Variants in ADRA1D observed in about 807,000 individuals in gnomAD.
The protein encoded by ADRA1D is alpha-1D adrenergic receptor.
ADRA1D carries 22 observed loss-of-function variants against 18.6 expected under a neutral mutation model. The observed-to-expected ratio is 1.19, with a 90% CI of 0.85 to 1.69. ADRA1D has a LOEUF of 1.69. Ranked by LOEUF, ADRA1D falls within the 40% of genes most tolerant of loss-of-function variation. ADRA1D has a pLI of 0.00. For missense variants in ADRA1D, 840 were observed against 840.7 expected (o/e 1.00, Z 0.01); for synonymous variants, 376 against 388.2 (o/e 0.97, Z 0.37).
At chr20:4,243,685 C>T (rs2122676812) in intron 1 of ADRA1D, among the ~76,000 whole-genome samples, 1 of 152,232 alleles carries the variant, frequency 6.6e-6, no homozygotes, top group South Asian at 2.1e-4. Flanking sequence ...CCTCCCCTCT[C>T]TCTCGGTGAG....
intron 1 of ADRA1D, among the ~76,000 whole-genome samples, chr20:4,231,676 C>T (rs941091383): frequency 1.1e-4 from 16 of 152,230 alleles, no homozygotes; most frequent in South Asian, 2.1e-4. Flanking sequence ...CATGGCATCC[C>T]GCTTTGCAGA....
chr20:4,234,838 G>C, intron 1 of ADRA1D, among the ~76,000 whole-genome samples: 1 of 152,250 alleles, frequency 6.6e-6, no homozygotes, highest in Non-Finnish European at 1.5e-5. Flanking sequence ...CAGGCAGAGG[G>C]AAGAGCATGT....
intron 1 of ADRA1D, among the ~76,000 whole-genome samples, chr20:4,227,680 T>TCTC (rs1568763312): frequency 1.5e-3 from 143 of 94,686 alleles, no homozygotes; most frequent in African/African-American, 5.7e-3. Flanking sequence ...CCTTCCTTCC[T>TCTC]TCCCTCTCTC....
chr20:4,220,661 G>A lies in ADRA1D; in HGVS notation c.*862C>T, dbSNP rs1307115088. On this transcript the variant is annotated 3_prime_UTR_variant, in exon 2 of 2. Transcript: ENST00000379453. ...TGTAGACCCAATCTATTCTGTTGCG[G>A]GCCTTTAGTTCTTGACAGACTTTAG... is the stretch of plus-strand genomic sequence containing the variant. 1 of 152,530 alleles carries A rather than the reference G, an allele frequency of 6.6e-6. No individual in the cohort carries two copies. Among genetic ancestry groups the A allele is most frequent in the East Asian group, 1.9e-4 (1 of 5,198 alleles). 9.4% of individuals were successfully genotyped at this position (152,530 alleles called of 1,614,324 possible).
rs1600843628 is a variant in ADRA1D, at chr20:4,221,819, GGGGTTCGGGGTC to G, written c.1411_1422del (p.Asp471_Pro474del). ...GGAGCCTGCATCTCGGGCGTGCCTGGGGGTTCGGGGTCGGGGTCGGGGAGCGCGGTGAGGGCC... is the reference window on the plus strand; with the variant it reads ...GGAGCCTGCATCTCGGGCGTGCCTGGGGGGTCGGGGAGCGCGGTGAGGGCC... On this transcript the variant is annotated inframe_deletion, in exon 2 of 2. Coordinates refer to ENST00000379453, the MANE Select transcript of ADRA1D (RefSeq NM_000678.4). The G allele has an allele frequency of 2.0e-6, 3 of 1,532,862 alleles. No individual in the cohort carries two copies. Among genetic ancestry groups the G allele is most frequent in the African/African-American group, 1.4e-5 (1 of 72,038 alleles). The allele number at this position is 1,532,862 out of a possible 1,614,324, so 95.0% of individuals were successfully genotyped here.
At chr20:4,225,071 G>A (rs1322078489) in intron 1 of ADRA1D, among the ~76,000 whole-genome samples, 2 of 147,760 alleles carry the variant, frequency 1.4e-5, no homozygotes, top group East Asian at 4.1e-4. Context: ...GTGCGATCTC[G>A]GCTCACTGCA....
At position 4,248,967 on chromosome 20, in the gene ADRA1D, C is replaced by T; in HGVS notation, c.-10G>A. 7.4e-7 allele frequency: 1 copy of T among 1,348,384 alleles called. No homozygotes were observed. Among genetic ancestry groups the T allele is most frequent in the Non-Finnish European group, 9.6e-7 (1 of 1,038,856 alleles). The allele number at this position is 1,348,384 out of a possible 1,614,324, so 83.5% of individuals were successfully genotyped here. On this transcript the variant is annotated 5_prime_UTR_variant, in exon 1 of 2. Coordinates refer to ENST00000379453, the MANE Select transcript of ADRA1D (RefSeq NM_000678.4). ...GATCGCGGAAAGTCATCTCAACGCG[C>T]GGCCGTCGGTGGCCGGGCCGGGGCA...
rs755816635 is a variant in ADRA1D, at chr20:4,248,253, C to T, written c.705G>A (p.Trp235Ter). ...LVVSVGPLLG[W>*]KEPVPPDERF... ...GCTCGTCAGGGGGCACGGGCTCCTT[C>T]CAGCCCAGCAGGGGCCCTACGGACA... Residue 235 changes from tryptophan (W) to a stop codon, truncating the protein, a stop_gained, in exon 1 of 2, where the codon TGG (tryptophan) becomes TGA (stop). Transcript: ENST00000379453. LOFTEE classifies it high-confidence loss of function. The T allele has an allele frequency of 1.9e-5, 30 of 1,607,562 alleles. No individual in the cohort carries two copies. Among genetic ancestry groups the T allele is most frequent in the Non-Finnish European group, 2.5e-5 (29 of 1,177,506 alleles).
At chr20:4,234,759 A>G (rs1370815320) in intron 1 of ADRA1D, among the ~76,000 whole-genome samples, 3 of 152,162 alleles carry the variant, frequency 2.0e-5, no homozygotes, top group Non-Finnish European at 4.4e-5. Context: ...CTAATACAGT[A>G]CACTTGAGCC....
In ADRA1D at chr20:4,221,658, G is replaced by T. The variant is rs1414929575; in HGVS notation, c.1584C>A (p.Arg528=). ...AGCGCTGGGCGCACGCTGCCTCTGCGCGCTGCGCGCCCCCGGCGCGGATCT... is the reference window on the plus strand; with the variant it reads ...AGCGCTGGGCGCACGCTGCCTCTGCTCGCTGCGCGCCCCCGGCGCGGATCT... ...SHKIRAGGAQ[R]AEAACAQRSE... The change falls in exon 2 of 2, where the codon CGC becomes CGA. Residue 528 remains arginine, a synonymous_variant. Coordinates refer to ENST00000379453, the MANE Select transcript of ADRA1D (RefSeq NM_000678.4). 6.2e-7 allele frequency: 1 copy of T among 1,612,824 alleles called. No homozygotes were observed.
chr20:4,230,662 TG>T (rs1446054769), intron 1 of ADRA1D, among the ~76,000 whole-genome samples: 21 of 152,254 alleles, frequency 1.4e-4, no homozygotes, highest in Admixed American at 1.2e-3. Context: ...AGTGGCTTCC[TG>T]TGGCTCAGAG....
At chr20:4,237,256 C>A (rs929321125) in intron 1 of ADRA1D, among the ~76,000 whole-genome samples, 4 of 151,932 alleles carry the variant, frequency 2.6e-5, no homozygotes, top group Non-Finnish European at 5.9e-5. Context: ...AATTTTGAGA[C>A]CCCTAGCTAG....
chr20:4,222,265 A>C lies in ADRA1D; in HGVS notation c.1112-135T>G. 8.0e-7 allele frequency: 1 copy of C among 1,253,790 alleles called. No homozygotes were observed. The highest frequency in any genetic ancestry group is 1.1e-6 in the Non-Finnish European group (1 of 939,938). The allele number at this position is 1,253,790 out of a possible 1,614,324, so 77.7% of individuals were successfully genotyped here. On this transcript the variant is annotated intron_variant, in intron 1 of 1. Transcript: ENST00000379453. This position sits in a 1 kb window ranked among gnomAD's most constrained non-coding sequence, Gnocchi z 4.3. ...GGAGTTCTCAAGGGATCCGTGCTGT[A>C]AATCAGGAGGTCCATGAACTTGGAT...
intron 1 of ADRA1D, among the ~76,000 whole-genome samples, chr20:4,234,781 A>AC (rs1981050752): frequency 6.6e-6 from 1 of 152,146 alleles, no homozygotes; most frequent in Non-Finnish European, 1.5e-5. Context: ...AGACCTGAAG[A>AC]CCCTGTGAGG....
intron 1 of ADRA1D, among the ~76,000 whole-genome samples, chr20:4,235,549 G>T (rs987995609): frequency 6.6e-6 from 1 of 152,240 alleles, no homozygotes; most frequent in African/African-American, 2.4e-5. Flanking sequence ...CACGGCTGCA[G>T]TTCTGCCCCA....
chr20:4,221,227 T>TG lies in ADRA1D; in HGVS notation c.*295dup, dbSNP rs1297667183. 1 of 301,328 alleles carries TG rather than the reference T, an allele frequency of 3.3e-6. No homozygotes were observed. Among genetic ancestry groups the TG allele is most frequent in the Non-Finnish European group, 6.1e-6 (1 of 164,434 alleles). 18.7% of individuals were successfully genotyped at this position (301,328 alleles called of 1,614,324 possible). On this transcript the variant is annotated 3_prime_UTR_variant, in exon 2 of 2. Transcript: ENST00000379453. The stretch of plus-strand genomic sequence containing the variant: ...TACTCAGGGTTCAGGGCATGGAGGA[T>TG]GGGGCAGTGTTTCTCAAATAGGGAT...
chr20:4,245,432 G>A (rs753589833), intron 1 of ADRA1D, among the ~76,000 whole-genome samples: 1 of 152,182 alleles, frequency 6.6e-6, no homozygotes, highest in Non-Finnish European at 1.5e-5. Context: ...TATCTCTGGC[G>A]AGGCAGGGAG....
At chr20:4,242,806 T>C (rs1213118819) in intron 1 of ADRA1D, among the ~76,000 whole-genome samples, 3 of 151,928 alleles carry the variant, frequency 2.0e-5, no homozygotes, top group Non-Finnish European at 2.9e-5. Context: ...AGAGCTGGGA[T>C]CGAAAGCCTG....
intron 1 of ADRA1D, among the ~76,000 whole-genome samples, chr20:4,224,144 G>A (rs1980738121): frequency 2.0e-5 from 3 of 152,182 alleles, no homozygotes; most frequent in Admixed American, 2.0e-4. Flanking sequence ...TACATGCTGT[G>A]AAGTTCAGCT....
Sources: allele counts gnomAD v4.1 joint callset (sites outside exome capture counted in the v4.1 genomes callset), GRCh38; gene constraint gnomAD v4.1.1; non-coding constraint Gnocchi (gnomAD v3.1); transcripts MANE v1.5; gene names NCBI Gene and HGNC (gene_info 2026-07-23, HGNC 2026-07-21).